The following KCNQ1 variants were observed in gnomAD, a reference collection of about 807,000 sequenced individuals.
The protein encoded by KCNQ1 is potassium voltage-gated channel subfamily Q member 1.
A neutral mutation model predicts 72.4 loss-of-function variants in KCNQ1; 49 were observed. That is an observed-to-expected ratio of 0.68 (90% confidence interval 0.54 to 0.86). The LOEUF is 0.86. Among genes scored for constraint, KCNQ1 ranks in the 40% least tolerant of loss-of-function variants. The probability of loss-of-function intolerance (pLI) is 0.00; values close to 1 mark genes in which losing one functional copy is unlikely to be tolerated. For synonymous variants in KCNQ1, 450 were observed against 412.6 expected (o/e 1.09, Z -1.10); for missense variants, 790 against 945.1 (o/e 0.84, Z 2.15).
At position 2,747,834 on chromosome 11, in the gene KCNQ1, TG is replaced by T. The variant is rs566852893; in HGVS notation, c.1515-21008del. On this transcript the variant is annotated intron_variant, in intron 11 of 15. Transcript: ENST00000155840. ...TGGGAAGAGGCACGCAGGGTGAGGCTGGCTGGAGGCAGGTGAGGCAGCCCAG... is the reference window on the plus strand; with the variant it reads ...TGGGAAGAGGCACGCAGGGTGAGGCTGCTGGAGGCAGGTGAGGCAGCCCAG... 1.1e-3 allele frequency among the ~76,000 whole-genome samples: 169 copies of T among 152,054 alleles called. 1 individual carries two copies. The highest frequency in any genetic ancestry group is 2.0e-3 in the Non-Finnish European group (139 of 67,956).
At chr11:2,635,179 A>G (rs1849440938) in intron 10 of KCNQ1, 1 of 152,072 alleles carries the variant, frequency 6.6e-6, no homozygotes, top group Non-Finnish European at 1.5e-5. Context: ...GAAGCTCTTT[A>G]GTTTAATTAG....
Position 2,571,361 on chromosome 11 carries a change from G to A in KCNQ1, c.641G>A (p.Cys214Tyr), listed in dbSNP as rs142496309. 5 of 1,613,032 alleles carry A rather than the reference G, an allele frequency of 3.1e-6. No individual in the cohort carries two copies. Among genetic ancestry groups the A allele is most frequent in the Non-Finnish European group, 4.2e-6 (5 of 1,179,980 alleles). ...GTCGTGGCCTCCATGGTGGTCCTCTGCGTGGGCTCCAAGGGGCAGGTGTTT... is the reference window on the plus strand; with the variant it reads ...GTCGTGGCCTCCATGGTGGTCCTCTACGTGGGCTCCAAGGGGCAGGTGTTT... ...IVVVASMVVLCVGSKGQVFAT... is the reference protein window; with the variant it reads ...IVVVASMVVLYVGSKGQVFAT... The change falls in exon 4 of 16, where the codon TGC (cysteine) becomes TAC (tyrosine). Residue 214 changes from cysteine to tyrosine, a missense_variant. This residue lies in a region of KCNQ1 where 294 missense variants were observed against 323.3 expected (regional missense o/e 0.91). Transcript: ENST00000155840.
rs1847149898 is a variant in KCNQ1 at position 2,509,005 on chromosome 11, C to A, written c.387-18923C>A. ...AGCCCTGGGCAAGGGTGTGCAGAGT[C>A]TGCATGGGATTTGACTGAGCAATCT... On this transcript the variant is annotated intron_variant, in intron 1 of 15. Transcript: ENST00000155840. This position sits in a 1 kb window ranked among gnomAD's most constrained non-coding sequence, Gnocchi z 6.3. 6.6e-6 allele frequency among the ~76,000 whole-genome samples: 1 copy of A among 152,184 alleles called. No individual in the cohort carries two copies. The highest frequency in any genetic ancestry group is 2.4e-5 in the African/African-American group (1 of 41,446).
rs540199116 is a variant in KCNQ1 at position 2,544,408 on chromosome 11, G to GTA, written c.477+16402_477+16403dup. Among the ~76,000 whole-genome samples the GTA allele has an allele frequency of 0.034, 4,901 of 144,412 alleles. 114 individuals are homozygous for GTA. The highest frequency in any genetic ancestry group is 0.05 in the Non-Finnish European group (3,373 of 67,052). 94.7% of individuals were successfully genotyped at this position (144,412 alleles called of 152,430 possible). A position where few individuals can be genotyped will look rare whatever the true frequency, so the allele number is the denominator to read the frequency against. ...TGCATATATGTGTATATATGTGTGT[G>GTA]TATATATATATATGGTTACATACCT... On this transcript the variant is annotated intron_variant, in intron 2 of 15. Coordinates refer to ENST00000155840, the MANE Select transcript of KCNQ1 (RefSeq NM_000218.3). The surrounding 1 kb of genome is among the most constrained non-coding windows in gnomAD (Gnocchi z 4.4).
intron 10 of KCNQ1, among the ~76,000 whole-genome samples, chr11:2,591,855 T>G (rs973771124): frequency 1.3e-5 from 2 of 152,252 alleles, no homozygotes; most frequent in African/African-American, 2.4e-5. Flanking sequence ...CCTGAGCTGT[T>G]GGCCTGGCCC....
rs1210568655 is a variant in KCNQ1 at position 2,464,893 on chromosome 11, T to C, written c.386+19409T>C. ...TGTGTGTTAAGGTAGTTCAAAGTCCTCCTGCCCGAGGAAGTAAGACAGCAA... is the reference window on the plus strand; with the variant it reads ...TGTGTGTTAAGGTAGTTCAAAGTCCCCCTGCCCGAGGAAGTAAGACAGCAA... On this transcript the variant is annotated intron_variant, in intron 1 of 15. Coordinates refer to ENST00000155840, the MANE Select transcript of KCNQ1 (RefSeq NM_000218.3). This position sits in a 1 kb window ranked among gnomAD's most constrained non-coding sequence, Gnocchi z 5.0. 4.6e-5 allele frequency among the ~76,000 whole-genome samples: 7 copies of C among 152,148 alleles called. No homozygotes were observed. The highest frequency in any genetic ancestry group is 1.7e-4 in the African/African-American group (7 of 41,424).
rs534893129 is a variant in KCNQ1, at chr11:2,612,606, T to A, written c.1393+23752T>A. 8.3e-5 allele frequency: 33 copies of A among 398,622 alleles called. No individual in the cohort carries two copies. Among genetic ancestry groups the A allele is most frequent in the African/African-American group, 6.4e-4 (31 of 48,772 alleles). The allele number at this position is 398,622 out of a possible 1,614,324, so 24.7% of individuals were successfully genotyped here. ...CTATTTGGTTTCTAATTTCTATCTC[T>A]ATATTGATATTATCTATTTGATGAG... On this transcript the variant is annotated intron_variant, in intron 10 of 15. Coordinates refer to ENST00000155840, the MANE Select transcript of KCNQ1 (RefSeq NM_000218.3). The surrounding 1 kb of genome is among the most constrained non-coding windows in gnomAD (Gnocchi z 5.5).
intron 2 of KCNQ1, among the ~76,000 whole-genome samples, chr11:2,548,393 C>T (rs377390928): frequency 7.2e-5 from 11 of 152,332 alleles, no homozygotes; most frequent in Middle Eastern, 3.4e-3. Context: ...TGCGTATAAT[C>T]GGTCAGGTTA....
intron 1 of KCNQ1, among the ~76,000 whole-genome samples, chr11:2,520,946 A>G (rs1387694302): frequency 6.6e-6 from 1 of 152,142 alleles, no homozygotes; most frequent in African/African-American, 2.4e-5. Flanking sequence ...TCCCGTCCCC[A>G]GTAGGGGTCT....
At position 2,481,257 on chromosome 11, in the gene KCNQ1, G is replaced by A. The variant is rs549187588; in HGVS notation, c.386+35773G>A. On this transcript the variant is annotated intron_variant, in intron 1 of 15. Coordinates refer to ENST00000155840, the MANE Select transcript of KCNQ1 (RefSeq NM_000218.3). This position sits in a 1 kb window ranked among gnomAD's most constrained non-coding sequence, Gnocchi z 4.6. ...AGTTCAGAAATGTTAATCAGAGAAC[G>A]TGCAGAAATTTTTAAAGAAGAAAAG... 1.7e-4 allele frequency among the ~76,000 whole-genome samples: 26 copies of A among 152,260 alleles called. No individual in the cohort carries two copies. The highest frequency in any genetic ancestry group is 3.4e-3 in the Middle Eastern group (1 of 294).
In KCNQ1 at chr11:2,668,609, C is replaced by T. The variant is rs1253115220; in HGVS notation, c.1514+6528C>T. 1 of 398,622 alleles carries T rather than the reference C, an allele frequency of 2.5e-6. No individual in the cohort carries two copies. The highest frequency in any genetic ancestry group is 4.4e-6 in the Non-Finnish European group (1 of 226,060). The allele number at this position is 398,622 out of a possible 1,614,324, so 24.7% of individuals were successfully genotyped here. On this transcript the variant is annotated intron_variant, in intron 11 of 15. Coordinates refer to ENST00000155840, the MANE Select transcript of KCNQ1 (RefSeq NM_000218.3). This position sits in a 1 kb window ranked among gnomAD's most constrained non-coding sequence, Gnocchi z 4.3. ...TACATCATTCTGTATAAATTGCCTA[C>T]ATCTTCTGCCTGTTTTATGTTTATT...
rs1590078862 is a variant in KCNQ1, at chr11:2,772,073, G to A, written c.1590+3154G>A. On this transcript the variant is annotated intron_variant, in intron 12 of 15. Transcript: ENST00000155840. The surrounding 1 kb of genome is among the most constrained non-coding windows in gnomAD (Gnocchi z 6.6). The stretch of plus-strand genomic sequence containing the variant: ...GCTGGGGCTCCCTCCGACCTCACCA[G>A]CTGGCTCTTATTGCTGGGAGCAGCA... Among the ~76,000 whole-genome samples, 2 of 152,218 alleles carry A rather than the reference G, an allele frequency of 1.3e-5. No individual in the cohort carries two copies. The highest frequency in any genetic ancestry group is 2.4e-5 in the African/African-American group (1 of 41,458).
At chr11:2,510,876 A>G (rs533458475) in intron 1 of KCNQ1, among the ~76,000 whole-genome samples, 1 of 152,256 alleles carries the variant, frequency 6.6e-6, no homozygotes, top group Non-Finnish European at 1.5e-5. Context: ...CCCCTGGCCC[A>G]GACCAGGCCA....
chr11:2,461,851 G>C, intron 1 of KCNQ1: 1 of 519,336 alleles, frequency 1.9e-6, no homozygotes, highest in Non-Finnish European at 3.3e-6. Flanking sequence ...GGTGGAGAGA[G>C]AAAGGGGTGG....
Position 2,653,215 on chromosome 11 carries a change from C to T in KCNQ1, c.1394-8746C>T. ...TGCTGTTGCAGGGCTAGGGCCAGGG[C>T]CTTGGCCTCAGGCCAGCTTCTTTCC... On this transcript the variant is annotated intron_variant, in intron 10 of 15. Coordinates refer to ENST00000155840, the MANE Select transcript of KCNQ1 (RefSeq NM_000218.3). The surrounding 1 kb of genome is among the most constrained non-coding windows in gnomAD (Gnocchi z 5.3). 2.5e-6 allele frequency: 1 copy of T among 398,758 alleles called. No homozygotes were observed. Among genetic ancestry groups the T allele is most frequent in the Non-Finnish European group, 4.4e-6 (1 of 226,138 alleles). The allele number at this position is 398,758 out of a possible 1,614,324, so 24.7% of individuals were successfully genotyped here.
chr11:2,816,409 C>A lies in KCNQ1; in HGVS notation c.1795-31358C>A, dbSNP rs1847615055. Among the ~76,000 whole-genome samples, 1 of 152,190 alleles carries A rather than the reference C, an allele frequency of 6.6e-6. No homozygotes were observed. The highest frequency in any genetic ancestry group is 2.1e-4 in the South Asian group (1 of 4,830). On this transcript the variant is annotated intron_variant, in intron 15 of 15. Coordinates refer to ENST00000155840, the MANE Select transcript of KCNQ1 (RefSeq NM_000218.3). This position sits in a 1 kb window ranked among gnomAD's most constrained non-coding sequence, Gnocchi z 6.8. ...AGGCTGCTGAAAGTGAGACCACACT[C>A]ACCCTGTGGTCCAGTGATCTCCTTC...
intron 11 of KCNQ1, among the ~76,000 whole-genome samples, chr11:2,719,980 C>T (rs990298098): frequency 2.0e-5 from 3 of 152,248 alleles, no homozygotes; most frequent in Non-Finnish European, 2.9e-5. Context: ...ACCCCTTGCA[C>T]GCCTGGGCGG....
intron 15 of KCNQ1, among the ~76,000 whole-genome samples, chr11:2,796,965 C>G (rs542529957): frequency 6.8e-4 from 104 of 152,384 alleles, no homozygotes; most frequent in Non-Finnish European, 1.2e-3. Context: ...GCCTAACCCC[C>G]CAAGGGCCAG....
rs986525889 is a variant in KCNQ1 at position 2,541,783 on chromosome 11, C to T, written c.477+13765C>T. On this transcript the variant is annotated intron_variant, in intron 2 of 15. Transcript: ENST00000155840. This position sits in a 1 kb window ranked among gnomAD's most constrained non-coding sequence, Gnocchi z 4.8. The stretch of plus-strand genomic sequence containing the variant: ...ACCTTTGGAAAACCCCCTCTCATCC[C>T]GGGAGTTTGTAAGAATTTGTAGTTT... Among the ~76,000 whole-genome samples the T allele has an allele frequency of 2.0e-5, 3 of 151,938 alleles. No individual in the cohort carries two copies. Among genetic ancestry groups the T allele is most frequent in the South Asian group, 2.1e-4 (1 of 4,810 alleles).
Sources: allele counts gnomAD v4.1 joint callset (sites outside exome capture counted in the v4.1 genomes callset), GRCh38; gene constraint gnomAD v4.1.1; regional missense constraint gnomAD v4.1.1; non-coding constraint Gnocchi (gnomAD v3.1); transcripts MANE v1.5; gene names NCBI Gene and HGNC (gene_info 2026-07-23, HGNC 2026-07-21).